The following POLN variants were observed in gnomAD, a reference collection of about 807,000 sequenced individuals.
The protein encoded by POLN is DNA polymerase N.
Under a neutral mutation model 113.5 loss-of-function variants are expected in POLN, and 108 were observed. The ratio of observed to expected loss-of-function variants is 0.95; its 90% CI spans 0.81 to 1.12. The LOEUF is 1.12. POLN is among the 50% of genes most tolerant of loss of function. The pLI, the probability that POLN is intolerant of heterozygous loss-of-function variation, is 0.00. For missense variants in POLN, 1,097 were observed against 1,077.1 expected (o/e 1.02, Z -0.26); for synonymous variants, 386 against 391.5 (o/e 0.99, Z 0.17).
intron 4 of POLN, 109 bp from the exon 5 acceptor site, chr4:2,208,596 C>A: frequency 1.2e-6 from 1 of 855,654 alleles, no homozygotes; most frequent in East Asian, 2.8e-5. Context: ...GAGACACAAT[C>A]TTCATATTAC....
intron 19 of POLN, among the ~76,000 whole-genome samples, chr4:2,105,234 A>G (rs1465594077): frequency 6.6e-6 from 1 of 151,932 alleles, no homozygotes; most frequent in East Asian, 1.9e-4. Context: ...AAACCTCATC[A>G]CTTCCACCTC....
intron 2 of POLN, among the ~76,000 whole-genome samples, chr4:2,235,706 T>C (rs1282450659): frequency 6.6e-6 from 1 of 152,158 alleles, no homozygotes; most frequent in African/African-American, 2.4e-5. Flanking sequence ...TAACAGCACA[T>C]AAAGTTCAAC....
In POLN at chr4:2,127,404, A is replaced by C. The variant is rs1054050345; in HGVS notation, c.1982+709T>G. Reference sequence around the variant, plus strand: ...AGTATAATCTCTCCACCTCCCTTGCAGCTGGTGCAGCTGCATGACCTGCTC... The same window carrying C: ...AGTATAATCTCTCCACCTCCCTTGCCGCTGGTGCAGCTGCATGACCTGCTC... On this transcript the variant is annotated intron_variant, in intron 19 of 25. Transcript: ENST00000511885. This position sits in a 1 kb window ranked among gnomAD's most constrained non-coding sequence, Gnocchi z 4.7. Among the ~76,000 whole-genome samples the C allele has an allele frequency of 1.3e-5, 2 of 152,110 alleles. No individual in the cohort carries two copies. The highest frequency in any genetic ancestry group is 4.8e-5 in the African/African-American group (2 of 41,416).
chr4:2,232,284 A>G (rs961304566), intron 2 of POLN: 2 of 505,172 alleles, frequency 4.0e-6, no homozygotes, highest in Non-Finnish European at 6.9e-6. Flanking sequence ...TTTTAGCAAT[A>G]AATAAACCTC....
chr4:2,177,378 C>T (rs1184439341), intron 8 of POLN: 1 of 406,388 alleles, frequency 2.5e-6, no homozygotes, highest in Non-Finnish European at 4.9e-6. Context: ...CTCCCTCTAC[C>T]TGGAACTCTC....
At chr4:2,240,405 C>G (rs374772532) in intron 2 of POLN, 17 of 1,612,672 alleles carry the variant, frequency 1.1e-5, no homozygotes, top group Non-Finnish European at 1.4e-5. Flanking sequence ...ATTAGAATGT[C>G]TGAAGAACAT....
chr4:2,089,072 G>A (rs1208980642), intron 20 of POLN: 2 of 869,960 alleles, frequency 2.3e-6, no homozygotes, highest in Non-Finnish European at 3.7e-6. Context: ...TCGTGATGAA[G>A]GAGCAATGGA....
chr4:2,078,496 A>G, intron 23 of POLN: 1 of 754,100 alleles, frequency 1.3e-6, no homozygotes, highest in Non-Finnish European at 1.6e-6. Flanking sequence ...TTTGTTAGAC[A>G]GACTCTCGCT....
chr4:2,212,500 G>A (rs1734016437), intron 4 of POLN, among the ~76,000 whole-genome samples: 2 of 152,004 alleles, frequency 1.3e-5, no homozygotes, highest in South Asian at 2.1e-4. Context: ...TCAGCCTCCT[G>A]AGTAGCTGGG....
chr4:2,211,677 T>C (rs896757547), intron 4 of POLN, among the ~76,000 whole-genome samples: 4 of 151,900 alleles, frequency 2.6e-5, no homozygotes, highest in Admixed American at 2.6e-4. Context: ...CTTGGGAGGC[T>C]GAGTTGGGAG....
At chr4:2,202,275 C>G (rs916528095) in intron 5 of POLN, among the ~76,000 whole-genome samples, 1 of 152,120 alleles carries the variant, frequency 6.6e-6, no homozygotes, top group African/African-American at 2.4e-5. Context: ...ATTCACCAAC[C>G]AACCATCTGC....
intron 20 of POLN, chr4:2,089,654 A>C: frequency 6.7e-6 from 5 of 743,066 alleles, no homozygotes; most frequent in Non-Finnish European, 1.1e-5. Context: ...GGATTATCTG[A>C]ACTTCCTAAA....
chr4:2,113,941 CCA>C (rs1438420163), intron 19 of POLN, among the ~76,000 whole-genome samples: 3 of 150,320 alleles, frequency 2.0e-5, no homozygotes, highest in Non-Finnish European at 4.4e-5. Flanking sequence ...ACTCTGTCAC[CCA>C]GTCTGAAGTG....
At chr4:2,116,537 C>G (rs1160610181) in intron 19 of POLN, among the ~76,000 whole-genome samples, 1 of 130,478 alleles carries the variant, frequency 7.7e-6, no homozygotes, top group African/African-American at 2.7e-5. Flanking sequence ...TCCTTCTTCT[C>G]ATGAATTACC....
intron 2 of POLN, chr4:2,238,589 A>G (rs778308250): frequency 8.9e-6 from 13 of 1,456,210 alleles, no homozygotes; most frequent in Non-Finnish European, 1.1e-5. Flanking sequence ...TAAAGAAACA[A>G]TGAAGCATAC....
At chr4:2,085,976 G>C (rs1277533744) in intron 20 of POLN, among the ~76,000 whole-genome samples, 1 of 152,224 alleles carries the variant, frequency 6.6e-6, no homozygotes, top group East Asian at 1.9e-4. Context: ...TGTTTCAGGT[G>C]ATGTGGTGAT....
chr4:2,215,166 A>G (rs1734082278), intron 3 of POLN, among the ~76,000 whole-genome samples: 1 of 152,200 alleles, frequency 6.6e-6, no homozygotes, highest in Non-Finnish European at 1.5e-5. Context: ...AAACTGAGGA[A>G]TAAATTACAT....
rs35919341 is a variant in POLN at position 2,213,174 on chromosome 4, A to G, written c.134-48T>C. ...AACATGGGGCATTAAAGAAACATTGATATCTAAGTCACACAGTTAACTAAA... is the reference window on the plus strand; with the variant it reads ...AACATGGGGCATTAAAGAAACATTGGTATCTAAGTCACACAGTTAACTAAA... On this transcript the variant is annotated intron_variant, in intron 3 of 25. Transcript: ENST00000511885. 2.4e-4 allele frequency: 297 copies of G among 1,231,376 alleles called. 1 individual carries two copies. In the East Asian group the frequency reaches 6.1e-3, roughly 25 times the overall value. The allele number at this position is 1,231,376 out of a possible 1,614,324, so 76.3% of individuals were successfully genotyped here. A position where few individuals can be genotyped will look rare whatever the true frequency, so the allele number is the denominator to read the frequency against.
chr4:2,109,881 G>A (rs1731151155), intron 19 of POLN, among the ~76,000 whole-genome samples: 1 of 151,674 alleles, frequency 6.6e-6, no homozygotes, highest in African/African-American at 2.4e-5. Context: ...TGGTTATTTT[G>A]GGCAAATCAC....
Sources: allele counts gnomAD v4.1 joint callset (sites outside exome capture counted in the v4.1 genomes callset), GRCh38; gene constraint gnomAD v4.1.1; non-coding constraint Gnocchi (gnomAD v3.1); transcripts MANE v1.5; gene names NCBI Gene and HGNC (gene_info 2026-07-23, HGNC 2026-07-21).